Variants in KPNA6 observed in about 807,000 individuals in gnomAD.
KPNA6 encodes the protein karyopherin subunit alpha 6.
KPNA6 carries 9 observed loss-of-function variants against 72.0 expected under a neutral mutation model. The observed-to-expected ratio is 0.13, with a 90% confidence interval of 0.08 to 0.22. KPNA6 has a LOEUF of 0.22. Among genes scored for constraint, KPNA6 ranks in the 10% least tolerant of loss-of-function variants. The pLI, the probability that KPNA6 is intolerant of heterozygous loss-of-function variation, is 1.00. For synonymous variants in KPNA6, 219 were observed against 242.1 expected (o/e 0.90, Z 0.89); for missense variants, 374 against 655.7 (o/e 0.57, Z 4.69).
At chr1:32,147,351 G>C (rs1404632525) in intron 1 of KPNA6, among the ~76,000 whole-genome samples, 4 of 152,028 alleles carry the variant, frequency 2.6e-5, no homozygotes, top group Admixed American at 6.6e-5. Flanking sequence ...TGGAGTGACG[G>C]TGCAATCACA....
At chr1:32,121,563 A>T (rs996724115) in intron 1 of KPNA6, among the ~76,000 whole-genome samples, 1 of 152,180 alleles carries the variant, frequency 6.6e-6, no homozygotes, top group African/African-American at 2.4e-5. Flanking sequence ...CTCAGGAAAA[A>T]TGTGATGAGA....
At chr1:32,119,240 A>T (rs1239751566) in intron 1 of KPNA6, among the ~76,000 whole-genome samples, 1 of 151,662 alleles carries the variant, frequency 6.6e-6, no homozygotes, top group East Asian at 1.9e-4. Flanking sequence ...CATGTTGACC[A>T]GGCTGGTCTC....
intron 1 of KPNA6, among the ~76,000 whole-genome samples, chr1:32,115,486 G>A (rs1299395672): frequency 1.3e-5 from 2 of 152,188 alleles, no homozygotes; most frequent in East Asian, 3.9e-4. Context: ...CTGGGGTGCA[G>A]TGGCAAGATA....
intron 10 of KPNA6, among the ~76,000 whole-genome samples, chr1:32,163,549 G>C (rs975167367): frequency 6.6e-6 from 1 of 152,142 alleles, no homozygotes; most frequent in African/African-American, 2.4e-5. Flanking sequence ...TCGTCTAATG[G>C]GTGAAGGAAA....
intron 1 of KPNA6, among the ~76,000 whole-genome samples, chr1:32,115,734 A>G (rs72666748): frequency 0.094 from 14,156 of 151,212 alleles, 878 homozygotes; most frequent in South Asian, 0.25. Flanking sequence ...CTCCACATTG[A>G]TGGCTTCTTT....
intron 12 of KPNA6, 62 bp downstream of exon 12, chr1:32,167,358 T>C (rs917721810): frequency 6.2e-7 from 1 of 1,601,410 alleles, no homozygotes; most frequent in Admixed American, 1.7e-5. Flanking sequence ...TTGCTCATGG[T>C]TTACAGGTGA....
rs1280775690 is a variant in KPNA6, at chr1:32,172,104, G to A, written c.*1210G>A. Reference sequence around the variant, plus strand: ...GTAGGTCAATCTTAATTGGTCTCAAGAGGAAGAACTGTCTGTCATTTCGGT... The same window carrying A: ...GTAGGTCAATCTTAATTGGTCTCAAAAGGAAGAACTGTCTGTCATTTCGGT... On this transcript the variant is annotated 3_prime_UTR_variant, in exon 14 of 14. Transcript: ENST00000373625. 1 of 152,150 alleles carries A rather than the reference G, an allele frequency of 6.6e-6. No homozygotes were observed. Among genetic ancestry groups the A allele is most frequent in the Non-Finnish European group, 1.5e-5 (1 of 68,038 alleles). 9.4% of individuals were successfully genotyped at this position (152,150 alleles called of 1,614,324 possible).
chr1:32,155,779 T>G (rs1642130247), intron 2 of KPNA6, among the ~76,000 whole-genome samples: 1 of 151,610 alleles, frequency 6.6e-6, no homozygotes, highest in African/African-American at 2.4e-5. Flanking sequence ...CAGGCTGGAG[T>G]GCAGTGAGTG....
chr1:32,173,319 T>C lies in KPNA6; in HGVS notation c.*2425T>C. The C allele has an allele frequency of 2.6e-6, 1 of 385,426 alleles. No individual in the cohort carries two copies. Among genetic ancestry groups the C allele is most frequent in the Non-Finnish European group, 4.6e-6 (1 of 218,384 alleles). 23.9% of individuals were successfully genotyped at this position (385,426 alleles called of 1,614,324 possible). A position where few individuals can be genotyped will look rare whatever the true frequency, so the allele number is the denominator to read the frequency against. On this transcript the variant is annotated 3_prime_UTR_variant, in exon 14 of 14. Coordinates refer to ENST00000373625, the MANE Select transcript of KPNA6 (RefSeq NM_012316.5). ...GGGACCAGTTTCTTAGTGTAAGACA[T>C]ACACATCCTGCTTGTCCAGCTGTTC...
At chr1:32,126,000 A>AAAAAAAAC (rs1344906069) in intron 1 of KPNA6, among the ~76,000 whole-genome samples, 10 of 149,862 alleles carry the variant, frequency 6.7e-5, no homozygotes, top group African/African-American at 2.2e-4. Flanking sequence ...AAAAAAAAAA[A>AAAAAAAAC]ACCTGTCCTA....
rs974636299 is a variant in KPNA6 at position 32,173,353 on chromosome 1, T to G, written c.*2459T>G. The G allele has an allele frequency of 1.4e-5, 5 of 368,206 alleles. No homozygotes were observed. Among genetic ancestry groups the G allele is most frequent in the African/African-American group, 1.0e-4 (5 of 47,932 alleles). 22.8% of individuals were successfully genotyped at this position (368,206 alleles called of 1,614,324 possible). A position where few individuals can be genotyped will look rare whatever the true frequency, so the allele number is the denominator to read the frequency against. Reference sequence around the variant, plus strand: ...TGCTTGTCCAGCTGTTCCTCCAAAATCTACTTTGGCTTCAGCTCCGGGTCC... The same window carrying G: ...TGCTTGTCCAGCTGTTCCTCCAAAAGCTACTTTGGCTTCAGCTCCGGGTCC... On this transcript the variant is annotated 3_prime_UTR_variant, in exon 14 of 14. Coordinates refer to ENST00000373625, the MANE Select transcript of KPNA6 (RefSeq NM_012316.5).
chr1:32,159,390 T>TC lies in KPNA6; in HGVS notation c.427-9dup, dbSNP rs778848495. ...ATGACCTTTCAATCATTGCTTAATC[T>TC]CACTTTCAGTTTGAAGCTGCCTGGG... On this transcript the variant is annotated splice_polypyrimidine_tract_variant and intron_variant, in intron 5 of 13. Coordinates refer to ENST00000373625, the MANE Select transcript of KPNA6 (RefSeq NM_012316.5). The TC allele has an allele frequency of 1.2e-6, 2 of 1,613,756 alleles. No individual in the cohort carries two copies. Among genetic ancestry groups the TC allele is most frequent in the Non-Finnish European group, 1.7e-6 (2 of 1,179,808 alleles).
intron 1 of KPNA6, among the ~76,000 whole-genome samples, chr1:32,109,672 C>G (rs1485575464): frequency 6.9e-6 from 1 of 145,408 alleles, no homozygotes; most frequent in African/African-American, 2.5e-5. Context: ...GAGACGGAGT[C>G]TGGCTCTGTT....
At position 32,158,256 on chromosome 1, in the gene KPNA6, C is replaced by G; in HGVS notation, c.332-11C>G. The G allele has an allele frequency of 1.3e-6, 2 of 1,587,408 alleles. No homozygotes were observed. The highest frequency in any genetic ancestry group is 1.1e-5 in the South Asian group (1 of 90,158). ...CTCCTGTGTTTTTATTTTCCCTTCTCCCTTATCCAGAGCCTAGTCCTCCAA... is the reference window on the plus strand; with the variant it reads ...CTCCTGTGTTTTTATTTTCCCTTCTGCCTTATCCAGAGCCTAGTCCTCCAA... On this transcript the variant is annotated splice_polypyrimidine_tract_variant and intron_variant, in intron 4 of 13. Transcript: ENST00000373625.
intron 1 of KPNA6, among the ~76,000 whole-genome samples, chr1:32,149,205 G>T (rs1012761170): frequency 7.9e-5 from 12 of 151,368 alleles, no homozygotes; most frequent in African/African-American, 2.9e-4. Flanking sequence ...ACATTTGTTT[G>T]GTTCCTTTTT....
intron 4 of KPNA6, among the ~76,000 whole-genome samples, chr1:32,157,986 C>T (rs143834569): frequency 2.0e-5 from 3 of 152,298 alleles, no homozygotes; most frequent in African/African-American, 4.8e-5. Flanking sequence ...CATGGTTGTT[C>T]ATCCCTTAGG....
At chr1:32,114,465 T>A (rs1641295785) in intron 1 of KPNA6, among the ~76,000 whole-genome samples, 1 of 149,870 alleles carries the variant, frequency 6.7e-6, no homozygotes, top group South Asian at 2.1e-4. Flanking sequence ...TATATATATA[T>A]ATATATATTC....
At chr1:32,120,121 C>T (rs952094027) in intron 1 of KPNA6, among the ~76,000 whole-genome samples, 1 of 151,884 alleles carries the variant, frequency 6.6e-6, no homozygotes, top group Non-Finnish European at 1.5e-5. Flanking sequence ...ATATTTGAGG[C>T]CAAATATAGC....
intron 1 of KPNA6, among the ~76,000 whole-genome samples, chr1:32,134,757 C>G (rs2123995353): frequency 6.6e-6 from 1 of 151,994 alleles, no homozygotes; most frequent in Non-Finnish European, 1.5e-5. Flanking sequence ...TTGTATGGTT[C>G]TATTTAAATG....
Sources: gnomAD v4.1 joint callset for allele counts (sites outside exome capture counted in the v4.1 genomes callset) on GRCh38, gnomAD v4.1.1 for gene constraint, MANE v1.5 for transcripts, NCBI Gene and HGNC (gene_info 2026-07-23, HGNC 2026-07-21) for gene names.